CRYBG1: variants seen among roughly 807,000 people sequenced by gnomAD.
CRYBG1 encodes crystallin beta-gamma domain containing 1, also known as beta/gamma crystallin domain-containing protein 1.
CRYBG1 carries 139 observed loss-of-function variants against 189.2 expected under a neutral mutation model. That is an observed-to-expected ratio of 0.73 (90% confidence interval 0.64 to 0.85). CRYBG1 has a LOEUF of 0.85. CRYBG1 is among the 40% of genes least tolerant of loss of function. The probability of loss-of-function intolerance (pLI) is 0.00; values close to 1 mark genes in which losing one functional copy is unlikely to be tolerated. For missense variants in CRYBG1, 2,611 were observed against 2,675.8 expected (o/e 0.98, Z 0.53); for synonymous variants, 1,023 against 1,017.1 (o/e 1.01, Z -0.11).
chr6:106,571,819 T>C lies in CRYBG1; in HGVS notation c.*3253T>C. 1.8e-6 allele frequency: 1 copy of C among 547,830 alleles called. No individual in the cohort carries two copies. The allele number at this position is 547,830 out of a possible 1,614,324, so 33.9% of individuals were successfully genotyped here. The stretch of plus-strand genomic sequence containing the variant: ...TCTACTGACTACAGACAAATCCAAG[T>C]GCTGATATTTTTATATCAATTACTG... On this transcript the variant is annotated 3_prime_UTR_variant, in exon 22 of 22. Transcript: ENST00000633556.
Position 106,483,401 on chromosome 6 carries a change from T to TATATGTATATATATATA in CRYBG1, c.313-28028_313-28027insTATGTATATATATATAA. On this transcript the variant is annotated intron_variant, in intron 2 of 21. Transcript: ENST00000633556. Reference sequence around the variant, plus strand: ...GTGTATATATATATAGATATATATATAAAACATTTTCTTTATCTACTTATT... The same window carrying TATATGTATATATATATA: ...GTGTATATATATATAGATATATATATATATGTATATATATATAAAAACATTTTCTTTATCTACTTATT... Among the ~76,000 whole-genome samples, 7 of 95,598 alleles carry TATATGTATATATATATA rather than the reference T, an allele frequency of 7.3e-5. 1 individual carries two copies. Among genetic ancestry groups the TATATGTATATATATATA allele is most frequent in the Non-Finnish European group, 1.5e-4 (6 of 39,970 alleles). 62.7% of individuals were successfully genotyped at this position (95,598 alleles called of 152,430 possible).
rs191305914 is a variant in CRYBG1 at position 106,481,766 on chromosome 6, G to A, written c.313-29664G>A. ...CTCCCTGTGGGGCCACTGAAGGCCG[G>A]CCTATCCCTCAGGCCCATCAGGGTC... On this transcript the variant is annotated intron_variant, in intron 2 of 21. Transcript: ENST00000633556. Among the ~76,000 whole-genome samples, 3 of 152,276 alleles carry A rather than the reference G, an allele frequency of 2.0e-5. No individual in the cohort carries two copies. In the East Asian group the frequency reaches 5.8e-4, roughly 29 times the overall value.
intron 2 of CRYBG1, among the ~76,000 whole-genome samples, chr6:106,482,409 A>C (rs1031617132): frequency 4.8e-5 from 6 of 125,126 alleles, no homozygotes; most frequent in Non-Finnish European, 3.3e-5. Context: ...CATCCATCCT[A>C]TTCACAGGTC....
chr6:106,498,644 G>T (rs1772910075), intron 2 of CRYBG1, among the ~76,000 whole-genome samples: 1 of 152,164 alleles, frequency 6.6e-6, no homozygotes, highest in Non-Finnish European at 1.5e-5. Flanking sequence ...GGAGGCTGAG[G>T]TGGGCAGATA....
At chr6:106,505,381 A>G in intron 2 of CRYBG1, among the ~76,000 whole-genome samples, 1 of 152,084 alleles carries the variant, frequency 6.6e-6, no homozygotes. Flanking sequence ...GGCATGAGCC[A>G]CCGCACCCGG....
chr6:106,512,618 G>A lies in CRYBG1; in HGVS notation c.1501G>A (p.Asp501Asn). The A allele has an allele frequency of 6.3e-7, 1 of 1,599,910 alleles. No homozygotes were observed. The highest frequency in any genetic ancestry group is 8.5e-7 in the Non-Finnish European group (1 of 1,174,282). ...GTKGQLRGES[D>N]RSKQPPPASS... Reference sequence around the variant, plus strand: ...CAAAGGGCAGCTCCGAGGGGAGTCGGACCGGAGCAAACAGCCACCCCCGGC... The same window carrying A: ...CAAAGGGCAGCTCCGAGGGGAGTCGAACCGGAGCAAACAGCCACCCCCGGC... Residue 501 changes from aspartate (D) to asparagine (N), a missense_variant, in exon 3 of 22, where the codon GAC becomes AAC. Physicochemically the swap from Asp to Asn is conservative, Grantham distance 23 (BLOSUM62 1). This residue lies in a region of CRYBG1 where 985 missense variants were observed against 924.4 expected (regional missense o/e 1.07). Coordinates refer to ENST00000633556, the MANE Select transcript of CRYBG1 (RefSeq NM_001371242.2).
intron 2 of CRYBG1, among the ~76,000 whole-genome samples, chr6:106,498,393 C>T (rs949413882): frequency 6.6e-6 from 1 of 152,136 alleles, no homozygotes; most frequent in African/African-American, 2.4e-5. Context: ...TCCCTAAAGA[C>T]ACAATCCGGA....
intron 2 of CRYBG1, among the ~76,000 whole-genome samples, chr6:106,491,586 T>C (rs1302296052): frequency 6.6e-6 from 1 of 152,170 alleles, no homozygotes; most frequent in Non-Finnish European, 1.5e-5. Context: ...CTCTGCGTCA[T>C]GGAGTTCCTT....
chr6:106,404,001 A>G (rs1045273593), intron 1 of CRYBG1, among the ~76,000 whole-genome samples: 1 of 152,258 alleles, frequency 6.6e-6, no homozygotes, highest in Non-Finnish European at 1.5e-5. Context: ...ATCAAAGTTA[A>G]GTAAACTTGC....
rs373289623 is a variant in CRYBG1, at chr6:106,563,865, C to T, written c.6240C>T (p.Ser2080=). Residue 2080 remains serine, a synonymous_variant, in exon 21 of 22, where the codon AGC becomes AGT. Coordinates refer to ENST00000633556, the MANE Select transcript of CRYBG1 (RefSeq NM_001371242.2). ...LDQNADSQFW[S]LKSDGRIYSK... ...AGAATGCTGACAGCCAGTTCTGGAG[C>T]TTGAAGTCCGATGGCAGGATTTACA... The T allele has an allele frequency of 5.6e-6, 9 of 1,613,434 alleles. No homozygotes were observed. The African/African-American group carries it at 1.1e-4, about 19-fold the overall frequency.
Position 106,521,246 on chromosome 6 carries a change from A to C in CRYBG1, c.4038A>C (p.Arg1346=), listed in dbSNP as rs1369537010. 1 of 1,613,926 alleles carries C rather than the reference A, an allele frequency of 6.2e-7. No individual in the cohort carries two copies. Among genetic ancestry groups the C allele is most frequent in the Non-Finnish European group, 8.5e-7 (1 of 1,179,986 alleles). ...AAACCAAAGAAGATCTGGATTCACG[A>C]AGCAACCTACACTTGCCAGAAACTA... The part of the protein sequence containing the change: ...KEKTKEDLDS[R]SNLHLPETKF... The change falls in exon 4 of 22, where the codon CGA becomes CGC. Residue 1346 remains arginine, a synonymous_variant. Transcript: ENST00000633556.
intron 1 of CRYBG1, among the ~76,000 whole-genome samples, chr6:106,434,409 T>A (rs1229321659): frequency 1.3e-5 from 2 of 152,106 alleles, no homozygotes; most frequent in Non-Finnish European, 2.9e-5. Flanking sequence ...TGTGGGCAAT[T>A]TTTTCCTGTC....
chr6:106,508,990 T>TTC (rs397687341), intron 2 of CRYBG1, among the ~76,000 whole-genome samples: 7 of 1,722 alleles, frequency 4.1e-3, no homozygotes, highest in Non-Finnish European at 6.3e-3. Context: ...ATCAAGCGTC[T>TTC]GCTGCATGGG....
chr6:106,542,983 ATTTT>A, intron 10 of CRYBG1, among the ~76,000 whole-genome samples: 1 of 29,830 alleles, frequency 3.4e-5, no homozygotes, highest in East Asian at 2.1e-3. Context: ...AGAACATTTT[ATTTT>A]ATTTTATTTT....
At chr6:106,362,134 TA>T (rs1771888414) in intron 1 of CRYBG1, among the ~76,000 whole-genome samples, 1 of 78,808 alleles carries the variant, frequency 1.3e-5, no homozygotes, top group Admixed American at 1.2e-4. Flanking sequence ...CACGCCCGGC[TA>T]ATTTTTTGTA....
Position 106,568,687 on chromosome 6 carries a change from T to A in CRYBG1, c.*121T>A. 1 of 681,434 alleles carries A rather than the reference T, an allele frequency of 1.5e-6. No individual in the cohort carries two copies. Among genetic ancestry groups the A allele is most frequent in the East Asian group, 2.6e-5 (1 of 38,316 alleles). The allele number at this position is 681,434 out of a possible 1,614,324, so 42.2% of individuals were successfully genotyped here. A position where few individuals can be genotyped will look rare whatever the true frequency, so the allele number is the denominator to read the frequency against. ...GACTCCTCCTTCATTGATTCTAAATTCAACCTTAAATCATGCTGCCATGAC... is the reference window on the plus strand; with the variant it reads ...GACTCCTCCTTCATTGATTCTAAATACAACCTTAAATCATGCTGCCATGAC... On this transcript the variant is annotated 3_prime_UTR_variant, in exon 22 of 22. Coordinates refer to ENST00000633556, the MANE Select transcript of CRYBG1 (RefSeq NM_001371242.2).
chr6:106,520,981 C>T lies in CRYBG1; in HGVS notation c.3773C>T (p.Pro1258Leu), dbSNP rs1389272424. Residue 1258 changes from proline to leucine, a missense_variant, in exon 4 of 22, where the codon CCT becomes CTT. Around this residue, in one of 3 missense-constraint regions of CRYBG1, gnomAD observed 1,622 missense variants for 1,735.0 expected, o/e 0.93. Coordinates refer to ENST00000633556, the MANE Select transcript of CRYBG1 (RefSeq NM_001371242.2). ...TTACCACAAGACAAAATCTTTTCTC[C>T]TTCTGTGACATCAGTCAACACTATG... ...SSLPQDKIFS[P>L]SVTSVNTMTT... is the part of the protein sequence containing the mutation. 3 of 1,614,040 alleles carry T rather than the reference C, an allele frequency of 1.9e-6. No homozygotes were observed. Among genetic ancestry groups the T allele is most frequent in the Non-Finnish European group, 2.5e-6 (3 of 1,180,040 alleles).
chr6:106,460,696 A>G (rs948966931), intron 2 of CRYBG1, among the ~76,000 whole-genome samples: 2 of 152,132 alleles, frequency 1.3e-5, no homozygotes, highest in African/African-American at 2.4e-5. Flanking sequence ...ATGAAACTAG[A>G]TGAAGGTCTC....
At position 106,521,256 on chromosome 6, in the gene CRYBG1, C is replaced by T. The variant is rs1773604477; in HGVS notation, c.4048C>T (p.His1350Tyr). The change falls in exon 4 of 22, where the codon CAC becomes TAC. Residue 1350 changes from histidine to tyrosine, a missense_variant. His to Tyr is a moderately conservative substitution (Grantham distance 83, BLOSUM62 2). This residue lies in a region of CRYBG1 where 1,622 missense variants were observed against 1,735.0 expected (regional missense o/e 0.93). Transcript: ENST00000633556. ...KEDLDSRSNL[H>Y]LPETKFSELS... The stretch of plus-strand genomic sequence containing the variant: ...AGATCTGGATTCACGAAGCAACCTA[C>T]ACTTGCCAGAAACTAAATTTTCTGA... 6.2e-7 allele frequency: 1 copy of T among 1,613,980 alleles called. No homozygotes were observed.
Sources: allele counts gnomAD v4.1 joint callset (sites outside exome capture counted in the v4.1 genomes callset), GRCh38; gene constraint gnomAD v4.1.1; regional missense constraint gnomAD v4.1.1; transcripts MANE v1.5; gene names NCBI Gene and HGNC (gene_info 2026-07-23, HGNC 2026-07-21).